Variants in RAD51B observed in about 807,000 individuals in gnomAD.
RAD51B encodes DNA repair protein RAD51 homolog 2.
In RAD51B, 38 loss-of-function variants were observed where a neutral mutation model predicts 42.2. The observed-to-expected ratio is 0.90, with a 90% CI of 0.70 to 1.18. The LOEUF is 1.18. Among genes scored for constraint, RAD51B ranks in the 50% most tolerant of loss-of-function variants. The pLI is 0.00. For missense variants in RAD51B, 373 were observed against 400.7 expected, an observed-to-expected ratio of 0.93 and a Z score of 0.59; for synonymous variants, 154 against 145.2, an observed-to-expected ratio of 1.06 and a Z score of -0.43.
At chr14:68,632,246 T>G (rs562027883) in intron 10 of RAD51B, among the ~76,000 whole-genome samples, 1 of 152,280 alleles carries the variant, frequency 6.6e-6, no homozygotes, top group African/African-American at 2.4e-5. Flanking sequence ...GGTTCTTTAC[T>G]GATACTTTCA....
chr14:67,831,703 A>ATTTTTTT (rs147190791), intron 3 of RAD51B, among the ~76,000 whole-genome samples: 1 of 147,084 alleles, frequency 6.8e-6, no homozygotes, highest in African/African-American at 2.5e-5. Flanking sequence ...TGCCCAGCTA[A>ATTTTTTT]TTTTTTTTTT....
intron 7 of RAD51B, among the ~76,000 whole-genome samples, chr14:68,232,955 G>A (rs1432149464): frequency 2.0e-5 from 3 of 152,202 alleles, no homozygotes; most frequent in Admixed American, 1.3e-4. Flanking sequence ...TTGGCTTGAT[G>A]TTGGTCTATA....
At chr14:68,395,051 C>T (rs535905876) in intron 8 of RAD51B, among the ~76,000 whole-genome samples, 1 of 152,102 alleles carries the variant, frequency 6.6e-6, no homozygotes, top group South Asian at 2.1e-4. Context: ...CTGTCGGCAT[C>T]CCCCCCTTTC....
intron 7 of RAD51B, among the ~76,000 whole-genome samples, chr14:67,984,874 T>G (rs2075155731): frequency 6.6e-6 from 1 of 152,242 alleles, no homozygotes; most frequent in South Asian, 2.1e-4. Flanking sequence ...TGTCTTATAA[T>G]GTAAGCAATA....
chr14:68,374,826 G>A (rs755529861), intron 8 of RAD51B, among the ~76,000 whole-genome samples: 4 of 150,454 alleles, frequency 2.7e-5, no homozygotes, highest in African/African-American at 4.9e-5. Context: ...AGCTGAAACC[G>A]TAAAGAGCTC....
intron 5 of RAD51B, among the ~76,000 whole-genome samples, chr14:67,872,798 A>G (rs1363864919): frequency 6.6e-6 from 1 of 151,254 alleles, no homozygotes; most frequent in Non-Finnish European, 1.5e-5. Flanking sequence ...ATCTACAACT[A>G]TCTGATCTTT....
intron 7 of RAD51B, among the ~76,000 whole-genome samples, chr14:68,274,181 G>A (rs191098770): frequency 6.6e-6 from 1 of 152,144 alleles, no homozygotes; most frequent in Non-Finnish European, 1.5e-5. Context: ...GATGACCATA[G>A]GGTACTTACA....
At chr14:68,127,650 C>CACACACAT (rs2077794864) in intron 7 of RAD51B, among the ~76,000 whole-genome samples, 1 of 125,882 alleles carries the variant, frequency 7.9e-6, no homozygotes, top group Admixed American at 7.3e-5. Flanking sequence ...CACACACACA[C>CACACACAT]ACACATACAC....
intron 10 of RAD51B, among the ~76,000 whole-genome samples, chr14:68,590,892 T>C (rs1183778440): frequency 6.6e-6 from 1 of 152,128 alleles, no homozygotes; most frequent in Non-Finnish European, 1.5e-5. Flanking sequence ...TTTAACACCC[T>C]CACCATGGAG....
chr14:67,914,749 C>T (rs999715113), intron 7 of RAD51B, among the ~76,000 whole-genome samples: 1 of 152,112 alleles, frequency 6.6e-6, no homozygotes, highest in Admixed American at 6.6e-5. Flanking sequence ...TTATTTGTAA[C>T]ACCCAAATTA....
chr14:68,541,493 C>A (rs1242016452), intron 10 of RAD51B: 1 of 985,224 alleles, frequency 1.0e-6, no homozygotes, highest in Non-Finnish European at 1.2e-6. Context: ...GTGGAAGGAG[C>A]CCTCGTGATT....
chr14:67,907,726 G>A (rs2043824175), intron 7 of RAD51B, among the ~76,000 whole-genome samples: 1 of 152,080 alleles, frequency 6.6e-6, no homozygotes, highest in Admixed American at 6.5e-5. Context: ...GAGAGAATAT[G>A]TCCCCTTCTG....
intron 7 of RAD51B, among the ~76,000 whole-genome samples, chr14:68,244,422 T>G (rs2080453039): frequency 6.6e-6 from 1 of 152,224 alleles, no homozygotes; most frequent in South Asian, 2.1e-4. Context: ...CTGAGCTCTC[T>G]TTCCCATTGT....
intron 11 of RAD51B, among the ~76,000 whole-genome samples, chr14:68,663,365 ATCC>A (rs1892973071): frequency 6.6e-6 from 1 of 151,758 alleles, no homozygotes; most frequent in Non-Finnish European, 1.5e-5. Context: ...ATATTTATTT[ATCC>A]TCCTGGTTCT....
intron 7 of RAD51B, among the ~76,000 whole-genome samples, chr14:67,985,490 T>A (rs757573248): frequency 2.0e-5 from 3 of 152,190 alleles, no homozygotes; most frequent in Non-Finnish European, 4.4e-5. Flanking sequence ...ATGACCTTTA[T>A]AGCAGTTTTT....
At chr14:68,516,426 A>G (rs536971725) in intron 10 of RAD51B, among the ~76,000 whole-genome samples, 43 of 152,376 alleles carry the variant, frequency 2.8e-4, no homozygotes, top group African/African-American at 1.0e-3. Context: ...AATAGAAGAC[A>G]GCTGGATTCT....
chr14:68,377,424 A>G (rs554993371), intron 8 of RAD51B, among the ~76,000 whole-genome samples: 41 of 152,262 alleles, frequency 2.7e-4, no homozygotes, highest in African/African-American at 9.4e-4. Context: ...TTCTGCTCAA[A>G]CTTGTTAGGG....
chr14:68,397,332 A>G (rs1397919122), intron 8 of RAD51B, among the ~76,000 whole-genome samples: 1 of 152,242 alleles, frequency 6.6e-6, no homozygotes, highest in Non-Finnish European at 1.5e-5. Context: ...CTGACTGGCT[A>G]CTGACACCAA....
intron 1 of RAD51B, among the ~76,000 whole-genome samples, chr14:67,820,506 T>G (rs1296209633): frequency 1.3e-5 from 2 of 152,164 alleles, no homozygotes; most frequent in Non-Finnish European, 2.9e-5. Flanking sequence ...TCTCCCCTCA[T>G]GTGCAATACA....
Sources: allele counts gnomAD v4.1 joint callset (sites outside exome capture counted in the v4.1 genomes callset), GRCh38; gene constraint gnomAD v4.1.1; transcripts MANE v1.5; gene names NCBI Gene and HGNC (gene_info 2026-07-23, HGNC 2026-07-21).